Variants in GALC observed in about 807,000 individuals in gnomAD.
GALC encodes the protein galactocerebrosidase.
Under a neutral mutation model 91.8 loss-of-function variants are expected in GALC, and 77 were observed. The observed-to-expected ratio is 0.84, with a 90% CI of 0.70 to 1.01. The LOEUF is 1.01. Among genes scored for constraint, GALC ranks in the 50% least tolerant of loss-of-function variants. GALC has a pLI of 0.00. For missense variants in GALC, 882 were observed against 855.9 expected, an observed-to-expected ratio of 1.03 and a Z score of -0.38; for synonymous variants, 357 against 306.7, an observed-to-expected ratio of 1.16 and a Z score of -1.71.
intron 12 of GALC, among the ~76,000 whole-genome samples, chr14:87,948,636 T>G (rs1454611407): frequency 6.6e-6 from 1 of 152,036 alleles, no homozygotes; most frequent in Non-Finnish European, 1.5e-5. Context: ...AAAGGAGTTA[T>G]TATCCTTGTT....
At chr14:87,975,451 G>A (rs1291882765) in intron 7 of GALC, among the ~76,000 whole-genome samples, 2 of 151,952 alleles carry the variant, frequency 1.3e-5, no homozygotes, top group Non-Finnish European at 2.9e-5. Flanking sequence ...TATTGTTTAT[G>A]GTAAGTAGAA....
chr14:87,953,172 A>C, intron 10 of GALC: 1 of 1,473,344 alleles, frequency 6.8e-7, no homozygotes, highest in Non-Finnish European at 9.5e-7. Flanking sequence ...CTGAAGCAGC[A>C]GTTAGGAAGG....
intron 10 of GALC, chr14:87,952,770 C>T (rs1431260541): frequency 2.6e-6 from 4 of 1,529,136 alleles, no homozygotes; most frequent in South Asian, 1.1e-5. Flanking sequence ...TTACTTTGTA[C>T]ATTCTGTTTC....
intron 10 of GALC, among the ~76,000 whole-genome samples, chr14:87,957,026 C>T (rs1675942833): frequency 6.6e-6 from 1 of 151,926 alleles, no homozygotes; most frequent in Admixed American, 6.6e-5. Context: ...TGATGTTGAG[C>T]ATTTTTTTTA....
rs1595202065 is a variant in GALC, at chr14:87,953,548, G to A, written c.1162-2800C>T. On this transcript the variant is annotated intron_variant, in intron 10 of 16. Transcript: ENST00000261304. Reference sequence around the variant, plus strand: ...TTCTGAAGATGAACTGCCACCAAATGAGATACGTATTGAGTTGTGTAGCTC... The same window carrying A: ...TTCTGAAGATGAACTGCCACCAAATAAGATACGTATTGAGTTGTGTAGCTC... 5 of 1,609,378 alleles carry A rather than the reference G, an allele frequency of 3.1e-6. No homozygotes were observed. In the East Asian group the frequency reaches 1.1e-4, roughly 36 times the overall value.
chr14:87,949,080 G>C (rs566088182), intron 12 of GALC, among the ~76,000 whole-genome samples: 1 of 152,008 alleles, frequency 6.6e-6, no homozygotes, highest in Admixed American at 6.6e-5. Flanking sequence ...CATGGCCCTA[G>C]GTGAATATGA....
intron 6 of GALC, chr14:87,980,786 C>G (rs1172320597): frequency 6.6e-6 from 1 of 152,162 alleles, no homozygotes; most frequent in Non-Finnish European, 1.5e-5. Flanking sequence ...GGGCAGAAAA[C>G]AGTATTCTCT....
chr14:87,992,132 C>T (rs1595244754), intron 1 of GALC, among the ~76,000 whole-genome samples: 1 of 152,232 alleles, frequency 6.6e-6, no homozygotes, highest in South Asian at 2.1e-4. Context: ...GGTCACACTA[C>T]AGACCAGGTC....
At chr14:87,957,803 C>A (rs1219449343) in intron 10 of GALC, among the ~76,000 whole-genome samples, 3 of 151,982 alleles carry the variant, frequency 2.0e-5, no homozygotes, top group Non-Finnish European at 4.4e-5. Flanking sequence ...AACCAAGAAC[C>A]AATAGTTCTA....
chr14:87,977,774 C>T (rs552048007), intron 6 of GALC, among the ~76,000 whole-genome samples: 65 of 152,236 alleles, frequency 4.3e-4, no homozygotes, highest in African/African-American at 1.3e-3. Context: ...TCTTTTAGGA[C>T]GCAAATAATA....
At chr14:87,993,409 G>C (rs898006539), upstream of GALC, 26 of 1,535,742 alleles carry the variant, frequency 1.7e-5, no homozygotes, top group Non-Finnish European at 2.0e-5. Flanking sequence ...GGCGTCACCT[G>C]GTGGAGCACT....
rs114751093 is a variant in GALC, at chr14:87,970,232, A to G, written c.753-1742T>C. 4.9e-3 allele frequency among the ~76,000 whole-genome samples: 747 copies of G among 152,192 alleles called. 6 individuals carry two copies. Among genetic ancestry groups the G allele is most frequent in the African/African-American group, 0.016 (683 of 41,522 alleles). Reference sequence around the variant, plus strand: ...ATCCAGTTGTCTAGTTGCCAAATGCATGTTTGGTGTATTTGGTTAAAATAT... The same window carrying G: ...ATCCAGTTGTCTAGTTGCCAAATGCGTGTTTGGTGTATTTGGTTAAAATAT... On this transcript the variant is annotated intron_variant, in intron 7 of 16. Transcript: ENST00000261304.
Position 87,963,393 on chromosome 14 carries a change from AATG to A in GALC, c.1149_1151del (p.Ile384del). ...AACAACAAAAGTTTACCATGGTTTC[AATG>A]ATGATGGTGAGGTTCCCTAAGCCAT... On this transcript the variant is annotated inframe_deletion, in exon 10 of 17. Transcript: ENST00000261304. The A allele has an allele frequency of 6.2e-7, 1 of 1,613,350 alleles. No homozygotes were observed. Among genetic ancestry groups the A allele is most frequent in the Non-Finnish European group, 8.5e-7 (1 of 1,179,370 alleles).
At chr14:87,986,412 G>T in intron 4 of GALC, 77 bp downstream of exon 4, 2 of 899,972 alleles carry the variant, frequency 2.2e-6, no homozygotes, top group Non-Finnish European at 3.6e-6. Context: ...TATTAATAGA[G>T]ATTCCACCAA....
In GALC at chr14:87,992,988, G is replaced by T; in HGVS notation, c.177C>A (p.Gly59=). Reference sequence around the variant, plus strand: ...CGCTCACCCCGCCGCCGCTGACCGCGCCGATGCCGTCGAACTCCCGGCCCA... The same window carrying T: ...CGCTCACCCCGCCGCCGCTGACCGCTCCGATGCCGTCGAACTCCCGGCCCA... ...DGLGREFDGI[G]AVSGGGATSR... The change falls in exon 1 of 17, where the codon GGC becomes GGA. Residue 59 remains glycine, a synonymous_variant. Coordinates refer to ENST00000261304, the MANE Select transcript of GALC (RefSeq NM_000153.4). The T allele has an allele frequency of 6.5e-7, 1 of 1,531,672 alleles. No individual in the cohort carries two copies. Among genetic ancestry groups the T allele is most frequent in the Non-Finnish European group, 8.7e-7 (1 of 1,148,388 alleles). 94.9% of individuals were successfully genotyped at this position (1,531,672 alleles called of 1,614,324 possible). A position where few individuals can be genotyped will look rare whatever the true frequency, so the allele number is the denominator to read the frequency against.
intron 10 of GALC, among the ~76,000 whole-genome samples, chr14:87,962,126 T>G (rs1192379874): frequency 6.6e-6 from 1 of 152,032 alleles, no homozygotes; most frequent in East Asian, 1.9e-4. Flanking sequence ...CAACTTCAAG[T>G]TGGGGGCCCC....
At chr14:87,979,063 CAG>C (rs1465546386) in intron 6 of GALC, among the ~76,000 whole-genome samples, 1 of 151,834 alleles carries the variant, frequency 6.6e-6, no homozygotes, top group Non-Finnish European at 1.5e-5. Context: ...TCTTTTGAGA[CAG>C]AGTCTCGCTC....
chr14:87,968,022 T>G (rs1886126525), intron 8 of GALC, among the ~76,000 whole-genome samples: 1 of 152,182 alleles, frequency 6.6e-6, no homozygotes, highest in South Asian at 2.1e-4. Flanking sequence ...AGAGATAAAG[T>G]GTCCTTACAT....
intron 10 of GALC, among the ~76,000 whole-genome samples, chr14:87,951,466 A>G (rs765098868): frequency 2.0e-5 from 3 of 151,918 alleles, no homozygotes; most frequent in Non-Finnish European, 2.9e-5. Context: ...GCAAGGATAT[A>G]AGAGATTTGA....
Sources: gnomAD v4.1 joint callset for allele counts (sites outside exome capture counted in the v4.1 genomes callset) on GRCh38, gnomAD v4.1.1 for gene constraint, MANE v1.5 for transcripts, NCBI Gene and HGNC (gene_info 2026-07-23, HGNC 2026-07-21) for gene names.